The following IL1RN variants were observed in gnomAD, a reference collection of about 807,000 sequenced individuals.
IL1RN encodes the protein interleukin-1 receptor antagonist protein.
A neutral mutation model predicts 13.7 loss-of-function variants in IL1RN; 10 were observed. That is an observed-to-expected ratio of 0.73 (90% CI 0.45 to 1.24). The LOEUF (loss-of-function observed/expected upper bound fraction) is 1.24, where lower values mean the gene tolerates loss of function less well. Among genes scored for constraint, IL1RN ranks in the 50% most tolerant of loss-of-function variants. The pLI, the probability that IL1RN is intolerant of heterozygous loss-of-function variation, is 0.00. For missense variants in IL1RN, 213 were observed against 222.1 expected (o/e 0.96, Z 0.26); for synonymous variants, 102 against 82.7 (o/e 1.23, Z -1.27).
upstream of IL1RN, among the ~76,000 whole-genome samples, chr2:113,114,714 G>T (rs144498551): frequency 2.2e-3 from 330 of 151,956 alleles, 1 homozygote; most frequent in African/African-American, 7.3e-3. Context: ...TATGAGTGGT[G>T]GTTTCCCATT....
the IL1RN span, among the ~76,000 whole-genome samples, chr2:113,099,391 G>T: frequency 6.6e-6 from 1 of 152,190 alleles, no homozygotes; most frequent in Non-Finnish European, 1.5e-5. Context: ...CCTAAAGGCC[G>T]GTTTCACTCC....
At chr2:113,101,698 C>T in the IL1RN span, among the ~76,000 whole-genome samples, 46 of 152,136 alleles carry the variant, frequency 3.0e-4, no homozygotes, top group Admixed American at 2.0e-3. Context: ...TAGAAACCAC[C>T]GCTCTGAAAG....
At chr2:113,131,247 G>A in intron 3 of IL1RN, 90 bp downstream of exon 3, 4 of 792,928 alleles carry the variant, frequency 5.0e-6, no homozygotes, top group Non-Finnish European at 4.5e-6. Flanking sequence ...GGGTTGACCA[G>A]GATTAGCTGG....
upstream of IL1RN, among the ~76,000 whole-genome samples, chr2:113,103,025 G>A (rs1339601355): frequency 1.3e-5 from 2 of 152,220 alleles, no homozygotes; most frequent in Non-Finnish European, 2.9e-5. Context: ...CATGCCCACG[G>A]CAGACATGAC....
At chr2:113,105,466 T>G (rs1005899771), upstream of IL1RN, among the ~76,000 whole-genome samples, 2 of 152,164 alleles carry the variant, frequency 1.3e-5, no homozygotes, top group African/African-American at 4.8e-5. Context: ...AAATGTAAAC[T>G]CTATATATGT....
At chr2:113,104,741 T>C (rs1010608725), upstream of IL1RN, among the ~76,000 whole-genome samples, 5 of 152,114 alleles carry the variant, frequency 3.3e-5, no homozygotes, top group Admixed American at 6.6e-5. Flanking sequence ...GCCAAAGAGC[T>C]TTATGAGACA....
At chr2:113,124,593 A>C (rs1417842499), upstream of IL1RN, among the ~76,000 whole-genome samples, 1 of 152,174 alleles carries the variant, frequency 6.6e-6, no homozygotes, top group Non-Finnish European at 1.5e-5. Context: ...GGGGTAAAGA[A>C]GCATATGCAA....
the IL1RN span, among the ~76,000 whole-genome samples, chr2:113,100,186 C>A: frequency 1.5e-4 from 23 of 151,114 alleles, no homozygotes; most frequent in South Asian, 1.0e-3. Flanking sequence ...ATTAGCCGGG[C>A]GTGGTGGCGG....
At chr2:113,106,937 G>A (rs315924), upstream of IL1RN, among the ~76,000 whole-genome samples, 21,928 of 152,120 alleles carry the variant, frequency 0.14, 1,779 homozygotes, top group Non-Finnish European at 0.19. Context: ...AGTTATTGAA[G>A]TAAAAACTCA....
the IL1RN span, among the ~76,000 whole-genome samples, chr2:113,102,184 G>A: frequency 0.35 from 52,996 of 152,090 alleles, 9,588 homozygotes; most frequent in Middle Eastern, 0.46. Flanking sequence ...TCTGGAGGCT[G>A]TGATCAAGTC....
At chr2:113,129,087 C>T (rs1184009479) in intron 1 of IL1RN, among the ~76,000 whole-genome samples, 1 of 152,178 alleles carries the variant, frequency 6.6e-6, no homozygotes, top group Non-Finnish European at 1.5e-5. Flanking sequence ...ATGGTAGCCA[C>T]TAGTCTCAGG....
Position 113,131,234 on chromosome 2 carries a change from T to A in IL1RN, c.318+77T>A, listed in dbSNP as rs563758538. The A allele has an allele frequency of 5.6e-5, 49 of 877,820 alleles. No individual in the cohort carries two copies. The South Asian group carries it at 6.3e-4, about 11-fold the overall frequency. The allele number at this position is 877,820 out of a possible 1,614,324, so 54.4% of individuals were successfully genotyped here. ...CAACCAAAATTTTTTCTTATGATTCTGTGGGTTGACCAGGATTAGCTGGGT... is the reference window on the plus strand; with the variant it reads ...CAACCAAAATTTTTTCTTATGATTCAGTGGGTTGACCAGGATTAGCTGGGT... On this transcript the variant is annotated intron_variant, in intron 3 of 3. Transcript: ENST00000409930.
In IL1RN at chr2:113,128,565, G is replaced by C. The variant is rs3181053; in HGVS notation, c.116+825G>C. Among the ~76,000 whole-genome samples the C allele has an allele frequency of 2.0e-5, 3 of 152,184 alleles. 1 individual carries two copies. Among genetic ancestry groups the C allele is most frequent in the African/African-American group, 7.2e-5 (3 of 41,514 alleles). On this transcript the variant is annotated intron_variant, in intron 1 of 3. Transcript: ENST00000409930. ...TGCCTCTCCCTGCTCTGATCAGCTA[G>C]AAGCTCCAGGAGATCCTCCTGGAGG...
upstream of IL1RN, among the ~76,000 whole-genome samples, chr2:113,126,155 GAC>G (rs575285782): frequency 6.2e-4 from 94 of 152,304 alleles, no homozygotes; most frequent in African/African-American, 2.1e-3. Flanking sequence ...GGGCCAAGGA[GAC>G]ATTTTTTTTG....
At chr2:113,102,554 C>G (rs1209993966), upstream of IL1RN, among the ~76,000 whole-genome samples, 1 of 152,150 alleles carries the variant, frequency 6.6e-6, no homozygotes, top group Non-Finnish European at 1.5e-5. Context: ...GTGAAAAGAC[C>G]ACCAAACAGG....
intron 3 of IL1RN, among the ~76,000 whole-genome samples, chr2:113,131,575 C>A (rs1687173184): frequency 6.6e-6 from 1 of 152,080 alleles, no homozygotes; most frequent in South Asian, 2.1e-4. Flanking sequence ...GTGTGAACAC[C>A]AGGAGACACG....
In IL1RN at chr2:113,132,426, C is replaced by T. The variant is rs315953; in HGVS notation, c.319-230C>T. 0.32 allele frequency among the ~76,000 whole-genome samples: 49,005 copies of T among 151,964 alleles called. 8,559 individuals carry two copies. Among genetic ancestry groups the T allele is most frequent in the East Asian group, 0.62 (3,208 of 5,152 alleles). On this transcript the variant is annotated intron_variant, in intron 3 of 3. Coordinates refer to ENST00000409930, the MANE Select transcript of IL1RN (RefSeq NM_173842.3). ...TTGTGCCACTGCACTCCAGCCTAGG[C>T]GACAGAGCAAGACTCCGTCTCGGGA...
chr2:113,117,359 A>G (rs981158812), upstream of IL1RN, among the ~76,000 whole-genome samples: 1 of 152,212 alleles, frequency 6.6e-6, no homozygotes, highest in Non-Finnish European at 1.5e-5. Flanking sequence ...GACATTGCTC[A>G]GGTCTCCACT....
At chr2:113,116,496 C>T (rs920294265), upstream of IL1RN, among the ~76,000 whole-genome samples, 6 of 149,820 alleles carry the variant, frequency 4.0e-5, no homozygotes, top group Non-Finnish European at 5.9e-5. Context: ...CCAGGCGGGG[C>T]GGGGGGTGGG....
Sources: gnomAD v4.1 joint callset for allele counts (sites outside exome capture counted in the v4.1 genomes callset) on GRCh38, gnomAD v4.1.1 for gene constraint, MANE v1.5 for transcripts, NCBI Gene and HGNC (gene_info 2026-07-23, HGNC 2026-07-21) for gene names.